The following NRXN1 variants were observed in gnomAD, a reference collection of about 807,000 sequenced individuals.
The protein encoded by NRXN1 is neurexin 1.
In NRXN1, 39 loss-of-function variants were observed where a neutral mutation model predicts 150.9. That is an observed-to-expected ratio of 0.26 (90% CI 0.20 to 0.34). The LOEUF (loss-of-function observed/expected upper bound fraction) is 0.34. Among genes scored for constraint, NRXN1 ranks in the 10% least tolerant of loss-of-function variants. The pLI is 1.00. For synonymous variants in NRXN1, 924 were observed against 757.0 expected (o/e 1.22, Z -3.62); for missense variants, 1,815 against 1,949.9 (o/e 0.93, Z 1.30).
chr2:50,575,707 G>A (rs1000467870), intron 8 of NRXN1, among the ~76,000 whole-genome samples: 1 of 152,158 alleles, frequency 6.6e-6, no homozygotes, highest in African/African-American at 2.4e-5. Flanking sequence ...CATAAGGACA[G>A]AGTCCACATC....
chr2:50,916,583 A>C (rs948954516), intron 5 of NRXN1, among the ~76,000 whole-genome samples: 2 of 151,652 alleles, frequency 1.3e-5, no homozygotes, highest in Non-Finnish European at 1.5e-5. Flanking sequence ...ATAATTTGAA[A>C]GTTTTGCTAT....
intron 21 of NRXN1, among the ~76,000 whole-genome samples, chr2:49,957,846 C>T (rs1277000533): frequency 6.6e-6 from 1 of 152,112 alleles, no homozygotes; most frequent in Non-Finnish European, 1.5e-5. Context: ...TTTCCTGGCT[C>T]TCCATCCAGT....
At chr2:50,972,599 T>C (rs761095031) in intron 2 of NRXN1, among the ~76,000 whole-genome samples, 3 of 152,066 alleles carry the variant, frequency 2.0e-5, no homozygotes, top group Non-Finnish European at 4.4e-5. Flanking sequence ...CACCATAATA[T>C]AGAATCAGTG....
At chr2:50,841,685 C>A (rs1223489170) in intron 5 of NRXN1, among the ~76,000 whole-genome samples, 1 of 152,136 alleles carries the variant, frequency 6.6e-6, no homozygotes, top group African/African-American at 2.4e-5. Context: ...TTATAAATAA[C>A]CACATCTAAC....
At chr2:50,293,341 T>C (rs2073171283) in intron 17 of NRXN1, among the ~76,000 whole-genome samples, 2 of 152,082 alleles carry the variant, frequency 1.3e-5, no homozygotes, top group South Asian at 4.1e-4. Context: ...GCCTTTCATA[T>C]TCACATACTT....
At chr2:50,226,559 T>G (rs558229345) in intron 18 of NRXN1, among the ~76,000 whole-genome samples, 45 of 151,890 alleles carry the variant, frequency 3.0e-4, no homozygotes, top group African/African-American at 1.1e-3. Context: ...GAACATGTAT[T>G]AAAGAGTGAA....
rs1558876864 is a variant in NRXN1, at chr2:50,522,937, C to CAT, written c.2374+5687_2374+5688insAT. 2.7e-5 allele frequency among the ~76,000 whole-genome samples: 4 copies of CAT among 150,914 alleles called. No homozygotes were observed. The South Asian group carries it at 6.3e-4, about 24-fold the overall frequency. On this transcript the variant is annotated intron_variant, in intron 12 of 22. Transcript: ENST00000401669. ...TTAGTAGAGACGGGGTTTCACCATG[C>CAT]TGGTCAGGCTGGTCCTAGAACTCCT...
rs1686569744 is a variant in NRXN1, at chr2:50,924,514, AAAG to A, written c.790+1421_790+1423del. Among the ~76,000 whole-genome samples, 7 of 151,858 alleles carry A rather than the reference AAAG, an allele frequency of 4.6e-5. No homozygotes were observed. The South Asian group carries it at 1.4e-3, about 31-fold the overall frequency. On this transcript the variant is annotated intron_variant, in intron 3 of 22. Transcript: ENST00000401669. ...TTCACAGGATGGATAAGGAAATGCA[AAAG>A]AAGTTGAAAAGATACCTCTAAAAAA...
intron 8 of NRXN1, among the ~76,000 whole-genome samples, chr2:50,600,553 GA>G (rs1231638658): frequency 1.3e-5 from 2 of 152,082 alleles, no homozygotes; most frequent in African/African-American, 4.8e-5. Context: ...TCAAATTCCT[GA>G]CCTCAAGTGA....
At chr2:50,232,452 T>C in intron 18 of NRXN1, among the ~76,000 whole-genome samples, 1 of 148,756 alleles carries the variant, frequency 6.7e-6, no homozygotes, top group East Asian at 2.0e-4. Flanking sequence ...AGTGGCACGA[T>C]CTCGGCTCAC....
At chr2:50,999,699 T>C (rs563497908) in intron 2 of NRXN1, among the ~76,000 whole-genome samples, 1 of 151,954 alleles carries the variant, frequency 6.6e-6, no homozygotes, top group Non-Finnish European at 1.5e-5. Context: ...ACCCAGTAAC[T>C]CAGGTCAAAC....
chr2:49,925,231 G>A (rs1163921620), intron 22 of NRXN1, among the ~76,000 whole-genome samples: 6 of 144,068 alleles, frequency 4.2e-5, no homozygotes, highest in Non-Finnish European at 8.9e-5. Flanking sequence ...AGTGAGCTGC[G>A]ATCGCACACT....
At chr2:50,863,759 TA>T (rs990616885) in intron 5 of NRXN1, among the ~76,000 whole-genome samples, 1 of 152,022 alleles carries the variant, frequency 6.6e-6, no homozygotes, top group African/African-American at 2.4e-5. Context: ...TCATGCTGGA[TA>T]ATGGCTTAAT....
intron 2 of NRXN1, among the ~76,000 whole-genome samples, chr2:50,997,430 G>A (rs1267514891): frequency 9.4e-6 from 1 of 106,088 alleles, no homozygotes; most frequent in South Asian, 3.0e-4. Context: ...CTTTAAATAT[G>A]CAGGTTTTTA....
At chr2:49,932,990 T>G (rs1237893282) in intron 22 of NRXN1, among the ~76,000 whole-genome samples, 1 of 152,208 alleles carries the variant, frequency 6.6e-6, no homozygotes, top group African/African-American at 2.4e-5. Flanking sequence ...CATTTATCAC[T>G]GTGGATCAAT....
At chr2:50,660,334 CT>C (rs1401034735) in intron 5 of NRXN1, among the ~76,000 whole-genome samples, 1 of 151,954 alleles carries the variant, frequency 6.6e-6, no homozygotes, top group Non-Finnish European at 1.5e-5. Context: ...AAAGTCTAGG[CT>C]CTTAACAACA....
chr2:50,315,683 G>A (rs1575055167), intron 17 of NRXN1, among the ~76,000 whole-genome samples: 1 of 152,230 alleles, frequency 6.6e-6, no homozygotes, highest in African/African-American at 2.4e-5. Flanking sequence ...TAGAATTAAT[G>A]TTATAAATTG....
intron 17 of NRXN1, among the ~76,000 whole-genome samples, chr2:50,256,132 A>T (rs2067677285): frequency 6.6e-6 from 1 of 152,174 alleles, no homozygotes; most frequent in South Asian, 2.1e-4. Context: ...GTTTGCACTC[A>T]TTATCATAAG....
At chr2:50,457,989 T>A (rs1035874048) in intron 17 of NRXN1, among the ~76,000 whole-genome samples, 5 of 152,084 alleles carry the variant, frequency 3.3e-5, no homozygotes, top group African/African-American at 4.8e-5. Context: ...TGAGTATATA[T>A]CCAAAAGAAA....
Sources: gnomAD v4.1 joint callset for allele counts (sites outside exome capture counted in the v4.1 genomes callset) on GRCh38, gnomAD v4.1.1 for gene constraint, MANE v1.5 for transcripts, NCBI Gene and HGNC (gene_info 2026-07-23, HGNC 2026-07-21) for gene names.